Variants in CDH18 observed in about 807,000 individuals in gnomAD.
CDH18 encodes cadherin-18.
In CDH18, 31 loss-of-function variants were observed where a neutral mutation model predicts 67.9. The ratio of observed to expected loss-of-function variants is 0.46; its 90% CI spans 0.34 to 0.62. The LOEUF (loss-of-function observed/expected upper bound fraction) is 0.62. Ranked by LOEUF, CDH18 falls within the 20% of genes least tolerant of loss-of-function variation. The probability of loss-of-function intolerance (pLI) is 0.01; values close to 1 mark genes in which losing one functional copy is unlikely to be tolerated. For missense variants in CDH18, 890 were observed against 975.5 expected, an observed-to-expected ratio of 0.91 and a Z score of 1.17; for synonymous variants, 362 against 347.2, an observed-to-expected ratio of 1.04 and a Z score of -0.48.
chr5:20,364,471 A>G (rs888125018), intron 1 of CDH18, among the ~76,000 whole-genome samples: 1 of 152,238 alleles, frequency 6.6e-6, no homozygotes, highest in Non-Finnish European at 1.5e-5. Flanking sequence ...TACTTTGTGC[A>G]ATCATAGAAA....
chr5:19,901,171 C>T (rs564046340), intron 2 of CDH18, among the ~76,000 whole-genome samples: 17 of 152,066 alleles, frequency 1.1e-4, no homozygotes, highest in Admixed American at 1.1e-3. Context: ...TTTGATATAA[C>T]TCTGACTACT....
Position 19,655,354 on chromosome 5 carries a change from G to A in CDH18, c.644-42753C>T, listed in dbSNP as rs2150288070. The stretch of plus-strand genomic sequence containing the variant: ...CAACCTTTGCATTTAATAATTATAT[G>A]CATTTGTGCATTATAGACATTAGAG... On this transcript the variant is annotated intron_variant, in intron 5 of 12. Transcript: ENST00000382275. Among the ~76,000 whole-genome samples, 2 of 151,644 alleles carry A rather than the reference G, an allele frequency of 1.3e-5. 1 individual carries two copies. Among genetic ancestry groups the A allele is most frequent in the Admixed American group, 1.3e-4 (2 of 15,200 alleles).
intron 2 of CDH18, among the ~76,000 whole-genome samples, chr5:20,126,537 A>C (rs1193315864): frequency 6.6e-6 from 1 of 152,160 alleles, no homozygotes; most frequent in Non-Finnish European, 1.5e-5. Flanking sequence ...CTACAGAATG[A>C]GAAAAAGTAT....
chr5:19,676,865 T>A (rs1314938473), intron 5 of CDH18, among the ~76,000 whole-genome samples: 1 of 152,034 alleles, frequency 6.6e-6, no homozygotes, highest in Non-Finnish European at 1.5e-5. Flanking sequence ...CACTTGTTAT[T>A]TAAGCTGCTC....
rs1420734026 is a variant in CDH18 at position 19,637,812 on chromosome 5, T to A, written c.644-25211A>T. Among the ~76,000 whole-genome samples, 3 of 152,308 alleles carry A rather than the reference T, an allele frequency of 2.0e-5. No individual in the cohort carries two copies. The East Asian group carries it at 5.8e-4, about 29-fold the overall frequency. ...CCTTGGATATAAATTCCCAATTTTCTTTGTGGTATTCAGACTTGACCCTAA... is the reference window on the plus strand; with the variant it reads ...CCTTGGATATAAATTCCCAATTTTCATTGTGGTATTCAGACTTGACCCTAA... On this transcript the variant is annotated intron_variant, in intron 5 of 12. Transcript: ENST00000382275.
intron 1 of CDH18, among the ~76,000 whole-genome samples, chr5:20,455,479 T>C (rs1750773117): frequency 6.6e-6 from 1 of 151,960 alleles, no homozygotes; most frequent in Non-Finnish European, 1.5e-5. Context: ...ATTTTAGCAA[T>C]ATTTAGAGAG....
intron 5 of CDH18, among the ~76,000 whole-genome samples, chr5:19,670,044 G>T (rs1758523722): frequency 1.3e-5 from 2 of 152,028 alleles, no homozygotes; most frequent in African/African-American, 4.8e-5. Context: ...AGTCCCATTT[G>T]ACATGAGGTC....
At chr5:19,891,098 C>G (rs1217589131) in intron 2 of CDH18, among the ~76,000 whole-genome samples, 1 of 152,110 alleles carries the variant, frequency 6.6e-6, no homozygotes, top group Admixed American at 6.6e-5. Context: ...GCACTGGCAT[C>G]CTTTGGCTTG....
chr5:20,498,730 A>C (rs1754060563), intron 1 of CDH18, among the ~76,000 whole-genome samples: 1 of 152,114 alleles, frequency 6.6e-6, no homozygotes, highest in Non-Finnish European at 1.5e-5. Flanking sequence ...AGGTTATTAC[A>C]AAAATATCAA....
intron 5 of CDH18, among the ~76,000 whole-genome samples, chr5:19,713,152 C>T (rs1328023387): frequency 2.0e-5 from 3 of 150,440 alleles, no homozygotes; most frequent in Admixed American, 6.6e-5. Flanking sequence ...AGGCATAGAG[C>T]GAGGTCACAA....
chr5:20,310,456 A>G (rs550487835), intron 1 of CDH18, among the ~76,000 whole-genome samples: 4 of 152,302 alleles, frequency 2.6e-5, no homozygotes, highest in South Asian at 2.1e-4. Flanking sequence ...ATTAAAATAT[A>G]AAATAGTGAT....
intron 1 of CDH18, among the ~76,000 whole-genome samples, chr5:20,437,824 A>T (rs924441760): frequency 2.6e-5 from 4 of 151,400 alleles, no homozygotes; most frequent in African/African-American, 9.7e-5. Context: ...CAATTACTTG[A>T]AAATAAAAGT....
At chr5:19,774,018 C>G (rs746903488) in intron 3 of CDH18, among the ~76,000 whole-genome samples, 3 of 152,138 alleles carry the variant, frequency 2.0e-5, no homozygotes, top group Non-Finnish European at 4.4e-5. Context: ...TACTATTTCT[C>G]TATATAGCTA....
chr5:19,525,958 A>T (rs147868533), intron 9 of CDH18, among the ~76,000 whole-genome samples: 1 of 152,236 alleles, frequency 6.6e-6, no homozygotes, highest in Non-Finnish European at 1.5e-5. Flanking sequence ...TCTAGAAAAC[A>T]ATTTTCATAT....
intron 5 of CDH18, among the ~76,000 whole-genome samples, chr5:19,678,067 C>T (rs1000456418): frequency 2.6e-5 from 4 of 151,710 alleles, no homozygotes; most frequent in South Asian, 2.1e-4. Context: ...GACAGATCAT[C>T]GAGGCAGAAA....
intron 5 of CDH18, among the ~76,000 whole-genome samples, chr5:19,672,536 C>T (rs1221819994): frequency 6.6e-6 from 1 of 151,992 alleles, no homozygotes; most frequent in African/African-American, 2.4e-5. Flanking sequence ...AACTTTTTAT[C>T]TATGTAATTC....
chr5:19,902,534 G>C (rs1362034805), intron 2 of CDH18, among the ~76,000 whole-genome samples: 1 of 151,474 alleles, frequency 6.6e-6, no homozygotes, highest in African/African-American at 2.5e-5. Flanking sequence ...GAGTGTACTT[G>C]GAAGTGGATA....
chr5:19,969,346 A>G (rs1470217570), intron 2 of CDH18, among the ~76,000 whole-genome samples: 1 of 146,966 alleles, frequency 6.8e-6, no homozygotes, highest in Non-Finnish European at 1.5e-5. Context: ...ATTACTGGTT[A>G]TATACCCAAA....
rs529341570 is a variant in CDH18 at position 19,913,215 on chromosome 5, G to A, written c.-257+67845C>T. Among the ~76,000 whole-genome samples the A allele has an allele frequency of 8.3e-5, 11 of 132,626 alleles. No homozygotes were observed. In the East Asian group the frequency reaches 1.6e-3, roughly 19 times the overall value. The allele number at this position is 132,626 out of a possible 152,430, so 87.0% of individuals were successfully genotyped here. A position where few individuals can be genotyped will look rare whatever the true frequency, so the allele number is the denominator to read the frequency against. On this transcript the variant is annotated intron_variant, in intron 2 of 12. Transcript: ENST00000382275. ...TGATTATAAGAACCTCTAAAAACAT[G>A]AATAATTTAAATGAGATAAGATTAA...
Sources: gnomAD v4.1 joint callset for allele counts (sites outside exome capture counted in the v4.1 genomes callset) on GRCh38, gnomAD v4.1.1 for gene constraint, MANE v1.5 for transcripts, NCBI Gene and HGNC (gene_info 2026-07-23, HGNC 2026-07-21) for gene names.